Variants in DLC1 observed in about 807,000 individuals in gnomAD.
The protein encoded by DLC1 is DLC1 Rho GTPase activating protein, also known as rho GTPase-activating protein 7.
DLC1 carries 54 observed loss-of-function variants against 140.3 expected under a neutral mutation model. The observed-to-expected ratio is 0.38, with a 90% CI of 0.31 to 0.48. The LOEUF is 0.48. Ranked by LOEUF, DLC1 falls within the 20% of genes least tolerant of loss-of-function variation. DLC1 has a pLI of 0.96. For synonymous variants in DLC1, 986 were observed against 728.1 expected (o/e 1.35, Z -5.70); for missense variants, 2,536 against 1,907.0 (o/e 1.33, Z -6.14).
intron 4 of DLC1, among the ~76,000 whole-genome samples, chr8:13,356,614 A>G (rs1489089065): frequency 6.6e-6 from 1 of 152,162 alleles, no homozygotes; most frequent in Non-Finnish European, 1.5e-5. Flanking sequence ...TTGTATCATA[A>G]TAATCTGTGC....
At position 13,115,666 on chromosome 8, in the gene DLC1, G is replaced by C. The variant is rs947912765; in HGVS notation, c.1349-9C>G. 4.3e-6 allele frequency: 7 copies of C among 1,612,868 alleles called. No individual in the cohort carries two copies. The highest frequency in any genetic ancestry group is 5.9e-6 in the Non-Finnish European group (7 of 1,179,642). On this transcript the variant is annotated splice_polypyrimidine_tract_variant and intron_variant, in intron 5 of 17. Coordinates refer to ENST00000276297, the MANE Select transcript of DLC1 (RefSeq NM_182643.3). ...TTCCTTGGCTTCAATTTCTAGAACA[G>C]AACAGAAGAAAGACAAAATTAGCCA...
intron 1 of DLC1, among the ~76,000 whole-genome samples, chr8:13,565,155 A>C (rs1804382884): frequency 6.6e-6 from 1 of 152,214 alleles, no homozygotes; most frequent in African/African-American, 2.4e-5. Flanking sequence ...CACGCTGAAT[A>C]TTACAAGGAA....
At chr8:13,107,675 T>C (rs533833138) in intron 7 of DLC1, among the ~76,000 whole-genome samples, 1 of 152,292 alleles carries the variant, frequency 6.6e-6, no homozygotes, top group South Asian at 2.1e-4. Flanking sequence ...GTCTAGCAAA[T>C]GAAGTGACTA....
intron 4 of DLC1, among the ~76,000 whole-genome samples, chr8:13,362,633 C>G (rs891424163): frequency 2.3e-4 from 35 of 151,896 alleles, no homozygotes; most frequent in Non-Finnish European, 2.8e-4. Context: ...AATCTTGTTA[C>G]TAAAACAAAA....
At chr8:13,191,426 G>C (rs1179941815) in intron 5 of DLC1, among the ~76,000 whole-genome samples, 1 of 152,188 alleles carries the variant, frequency 6.6e-6, no homozygotes, top group Non-Finnish European at 1.5e-5. Flanking sequence ...AGAATCACTT[G>C]ACCTGGGAGG....
chr8:13,424,675 C>A (rs943989609), intron 2 of DLC1, among the ~76,000 whole-genome samples: 2 of 151,900 alleles, frequency 1.3e-5, no homozygotes, highest in Non-Finnish European at 2.9e-5. Flanking sequence ...CGGGTTCATG[C>A]CACTCTCCTG....
intron 5 of DLC1, among the ~76,000 whole-genome samples, chr8:13,154,044 A>G (rs1824051592): frequency 6.6e-6 from 1 of 151,924 alleles, no homozygotes; most frequent in Non-Finnish European, 1.5e-5. Context: ...GATTAGCTAG[A>G]TACAGAGTGC....
chr8:13,409,629 T>C (rs888669181), intron 2 of DLC1, among the ~76,000 whole-genome samples: 15 of 152,188 alleles, frequency 9.9e-5, no homozygotes, highest in African/African-American at 3.1e-4. Context: ...GTAATAACTT[T>C]CTTTTGGCTT....
chr8:13,475,486 CA>C (rs1197286195), intron 2 of DLC1, among the ~76,000 whole-genome samples: 4 of 152,064 alleles, frequency 2.6e-5, no homozygotes, highest in Non-Finnish European at 4.4e-5. Context: ...GCCCAGAAGC[CA>C]TGGAGATTTT....
intron 5 of DLC1, among the ~76,000 whole-genome samples, chr8:13,262,973 C>G (rs1830524734): frequency 6.6e-6 from 1 of 152,114 alleles, no homozygotes; most frequent in South Asian, 2.1e-4. Flanking sequence ...TGATGGTTTG[C>G]TTATAGAAGA....
chr8:13,275,832 C>G (rs564538242), intron 5 of DLC1, among the ~76,000 whole-genome samples: 91 of 152,326 alleles, frequency 6.0e-4, no homozygotes, highest in Admixed American at 5.2e-3. Flanking sequence ...TGCCAGGCCC[C>G]TCTCCTGCAC....
At chr8:13,217,845 A>C (rs139548265) in intron 5 of DLC1, among the ~76,000 whole-genome samples, 3,680 of 151,520 alleles carry the variant, frequency 0.024, 72 homozygotes, top group African/African-American at 0.046. Flanking sequence ...TTCAAAAAAA[A>C]AACAACAACA....
At chr8:13,316,078 G>A (rs1053662031) in intron 4 of DLC1, among the ~76,000 whole-genome samples, 1 of 152,156 alleles carries the variant, frequency 6.6e-6, no homozygotes, top group Non-Finnish European at 1.5e-5. Flanking sequence ...AGAACAGCAC[G>A]CAGGTTGCGC....
chr8:13,256,061 A>G (rs1339070555), intron 5 of DLC1, among the ~76,000 whole-genome samples: 1 of 152,222 alleles, frequency 6.6e-6, no homozygotes, highest in Non-Finnish European at 1.5e-5. Context: ...AAGATGATGT[A>G]GATTATTACT....
In DLC1 at chr8:13,085,765, A is replaced by G. The variant is rs368435396; in HGVS notation, c.*46T>C. On this transcript the variant is annotated 3_prime_UTR_variant, in exon 18 of 18. Coordinates refer to ENST00000276297, the MANE Select transcript of DLC1 (RefSeq NM_182643.3). ...TTCTTCAAGGACTGGCAAAAGTTCTAGAAACAAACACCATGGTGGTGGAAG... is the reference window on the plus strand; with the variant it reads ...TTCTTCAAGGACTGGCAAAAGTTCTGGAAACAAACACCATGGTGGTGGAAG... The G allele has an allele frequency of 2.7e-5, 44 of 1,611,494 alleles. No homozygotes were observed. The highest frequency in any genetic ancestry group is 8.5e-6 in the Non-Finnish European group (10 of 1,178,544).
chr8:13,363,672 A>G (rs147318800), intron 4 of DLC1, among the ~76,000 whole-genome samples: 1 of 152,184 alleles, frequency 6.6e-6, no homozygotes, highest in Non-Finnish European at 1.5e-5. Context: ...AAACAAAAAA[A>G]ACCAAAAGGA....
chr8:13,399,793 T>G (rs1837215594), intron 3 of DLC1, among the ~76,000 whole-genome samples: 1 of 152,228 alleles, frequency 6.6e-6, no homozygotes, highest in African/African-American at 2.4e-5. Flanking sequence ...TCTTGATAAT[T>G]TTTATTATAT....
intron 5 of DLC1, among the ~76,000 whole-genome samples, chr8:13,150,661 C>G (rs1386719755): frequency 6.6e-6 from 1 of 152,212 alleles, no homozygotes; most frequent in Admixed American, 6.5e-5. Context: ...TTAACTCAGT[C>G]TTAGATCTTC....
intron 1 of DLC1, among the ~76,000 whole-genome samples, chr8:13,561,470 C>A (rs901250195): frequency 6.6e-6 from 1 of 152,178 alleles, no homozygotes; most frequent in Non-Finnish European, 1.5e-5. Flanking sequence ...TGAAAAGCCA[C>A]TACACGTGCA....
Sources: gnomAD v4.1 joint callset for allele counts (sites outside exome capture counted in the v4.1 genomes callset) on GRCh38, gnomAD v4.1.1 for gene constraint, MANE v1.5 for transcripts, NCBI Gene and HGNC (gene_info 2026-07-23, HGNC 2026-07-21) for gene names.